SETD1B: variants seen among roughly 807,000 people sequenced by gnomAD.
The protein encoded by SETD1B is SET domain containing 1B, histone lysine methyltransferase, also known as histone-lysine N-methyltransferase SETD1B.
Under a neutral mutation model 148.0 loss-of-function variants are expected in SETD1B, and 7 were observed. That is an observed-to-expected ratio of 0.05 (90% CI 0.03 to 0.09). The LOEUF is 0.09. SETD1B is among the 10% of genes least tolerant of loss of function. The pLI, the probability that SETD1B is intolerant of heterozygous loss-of-function variation, is 1.00. For missense variants in SETD1B, 2,155 were observed against 2,729.9 expected (o/e 0.79, Z 4.69); for synonymous variants, 1,361 against 1,186.5 (o/e 1.15, Z -3.02).
Position 121,822,583 on chromosome 12 carries a change from G to A in SETD1B, c.4004G>A (p.Ser1335Asn). 1 of 1,548,594 alleles carries A rather than the reference G, an allele frequency of 6.5e-7. No individual in the cohort carries two copies. Among genetic ancestry groups the A allele is most frequent in the Non-Finnish European group, 8.7e-7 (1 of 1,145,550 alleles). ...LPPPRPPRPP[S>N]PPPEPETTDA... The stretch of plus-strand genomic sequence containing the variant: ...CCCCCACGACCACCCCGGCCACCCA[G>A]CCCACCGCCGGAGCCTGAGACCACA... The change falls in exon 12 of 17, where the codon AGC (serine) becomes AAC (asparagine). Residue 1335 changes from serine to asparagine, a missense_variant. Transcript: ENST00000604567.
rs1344419056 is a variant in SETD1B at position 121,831,226 on chromosome 12, G to A, written c.*987G>A. 2 of 151,838 alleles carry A rather than the reference G, an allele frequency of 1.3e-5. No individual in the cohort carries two copies. The highest frequency in any genetic ancestry group is 4.8e-5 in the African/African-American group (2 of 41,296). 9.4% of individuals were successfully genotyped at this position (151,838 alleles called of 1,614,324 possible). On this transcript the variant is annotated 3_prime_UTR_variant, in exon 17 of 17. Transcript: ENST00000604567. Reference sequence around the variant, plus strand: ...AGACCGTCTGCGTGTGGCATTTTTTGGCTTATAAGCTTCACCCACTCACCC... The same window carrying A: ...AGACCGTCTGCGTGTGGCATTTTTTAGCTTATAAGCTTCACCCACTCACCC...
chr12:121,803,945 G>C (rs1875550773), upstream of SETD1B: 1 of 159,110 alleles, frequency 6.3e-6, no homozygotes, highest in Non-Finnish European at 1.4e-5. The surrounding 1 kb of genome is among the most constrained non-coding windows in gnomAD (Gnocchi z 4.7). Flanking sequence ...GAGAGGGGAG[G>C]AGGAAGAGGA....
At chr12:121,807,464 AAAG>A (rs1875802255) in intron 4 of SETD1B, among the ~76,000 whole-genome samples, 1 of 151,886 alleles carries the variant, frequency 6.6e-6, no homozygotes, top group African/African-American at 2.4e-5. Context: ...AAAAAAAAGA[AAAG>A]AAAAGAAAAG....
chr12:121,801,538 G>C (rs1875363332), upstream of SETD1B: 1 of 152,648 alleles, frequency 6.6e-6, no homozygotes, highest in Non-Finnish European at 1.5e-5. Context: ...TTTCCTCGAA[G>C]GGGCAAAAGG....
At chr12:121,824,707 T>G (rs541066923) in intron 12 of SETD1B, among the ~76,000 whole-genome samples, 1 of 151,634 alleles carries the variant, frequency 6.6e-6, no homozygotes, top group South Asian at 2.1e-4. Flanking sequence ...CAGAGAGGCA[T>G]CACTGTCACC....
Position 121,814,760 on chromosome 12 carries a change from T to A in SETD1B, c.2545T>A (p.Tyr849Asn). The change falls in exon 7 of 17, where the codon TAC (tyrosine) becomes AAC (asparagine). Residue 849 changes from tyrosine to asparagine, a missense_variant. By Grantham distance (143) the Tyr-to-Asn change is moderately radical. Transcript: ENST00000604567. The stretch of plus-strand genomic sequence containing the variant: ...TGACCCGTCAGTGCCTCCACCAGGC[T>A]ACATGCCACGCCAGGAGGACCCACA... ...KFDPSVPPPG[Y>N]MPRQEDPHKA... The A allele has an allele frequency of 6.4e-7, 1 of 1,551,398 alleles. No individual in the cohort carries two copies.
At chr12:121,798,458 C>G in the SETD1B span, among the ~76,000 whole-genome samples, 37 of 152,342 alleles carry the variant, frequency 2.4e-4, no homozygotes, top group African/African-American at 8.9e-4. Flanking sequence ...GCAATAACCA[C>G]GATCACAATG....
rs1224301294 is a variant in SETD1B, at chr12:121,810,695, G to C, written c.1750G>C (p.Glu584Gln). The C allele has an allele frequency of 4.5e-6, 7 of 1,550,904 alleles. No individual in the cohort carries two copies. Among genetic ancestry groups the C allele is most frequent in the South Asian group, 1.2e-5 (1 of 84,034 alleles). The change falls in exon 6 of 17, where the codon GAG becomes CAG. Residue 584 changes from glutamate (E) to glutamine (Q), a missense_variant. Glu to Gln is a conservative substitution (Grantham distance 29). Around this residue, in one of 11 missense-constraint regions of SETD1B, gnomAD observed 295 missense variants for 303.8 expected, o/e 0.97. Coordinates refer to ENST00000604567, the MANE Select transcript of SETD1B (RefSeq NM_001353345.2). The surrounding 1 kb of genome is among the most constrained non-coding windows in gnomAD (Gnocchi z 7.6). ...ACCCCTCCCAGACTCCGACGAGGAC[G>C]AGGAGCTCGACCTGGGCCTTGGGCC... is the stretch of plus-strand genomic sequence containing the variant. The part of the protein sequence containing the change: ...PTPLPDSDED[E>Q]ELDLGLGPRP...
chr12:121,806,664 A>AGCAGAG (rs1555336220), intron 4 of SETD1B, among the ~76,000 whole-genome samples: 2 of 152,138 alleles, frequency 1.3e-5, no homozygotes, highest in Admixed American at 1.3e-4. Context: ...GCCGGGGAAG[A>AGCAGAG]GCAGAGCCGG....
At chr12:121,793,910 G>T in the SETD1B span, 1 of 327,720 alleles carries the variant, frequency 3.1e-6, no homozygotes, top group Non-Finnish European at 5.5e-6. Flanking sequence ...GCCACCCTCC[G>T]CGCGTCACGT....
chr12:121,817,654 G>C lies in SETD1B; in HGVS notation c.3262G>C (p.Val1088Leu). The change falls in exon 9 of 17, where the codon GTC (valine) becomes CTC (leucine). Residue 1088 changes from valine to leucine, a missense_variant. Val to Leu is a conservative substitution (Grantham distance 32, BLOSUM62 1). Coordinates refer to ENST00000604567, the MANE Select transcript of SETD1B (RefSeq NM_001353345.2). The surrounding 1 kb of genome is among the most constrained non-coding windows in gnomAD (Gnocchi z 8.1). ...EEAEEEEEEE[V>L]PRSQLSSSST... ...GGCGGAGGAGGAGGAGGAGGAGGAA[G>C]TCCCCAGGAGCCAGCTCTCCTCCTC... 1 of 1,550,980 alleles carries C rather than the reference G, an allele frequency of 6.4e-7. No homozygotes were observed. Among genetic ancestry groups the C allele is most frequent in the Non-Finnish European group, 8.7e-7 (1 of 1,146,800 alleles).
Position 121,810,242 on chromosome 12 carries a change from G to A in SETD1B, c.1297G>A (p.Ala433Thr). Residue 433 changes from alanine (A) to threonine (T), a missense_variant, in exon 6 of 17, where the codon GCG becomes ACG. Around this residue, in one of 11 missense-constraint regions of SETD1B, gnomAD observed 376 missense variants for 385.0 expected, o/e 0.98. Coordinates refer to ENST00000604567, the MANE Select transcript of SETD1B (RefSeq NM_001353345.2). The surrounding 1 kb of genome is among the most constrained non-coding windows in gnomAD (Gnocchi z 7.6). ...CAGTGGGGAGTTCCGGAGGGCACCG[G>A]CGCCCCCACCCCTGCCACCTGCTGA... is the stretch of plus-strand genomic sequence containing the variant. ...RDSGEFRRAP[A>T]PPPLPPAEPL... is the part of the protein sequence containing the mutation. 1.9e-6 allele frequency: 3 copies of A among 1,547,114 alleles called. No individual in the cohort carries two copies. Among genetic ancestry groups the A allele is most frequent in the Non-Finnish European group, 2.6e-6 (3 of 1,146,826 alleles).
chr12:121,823,882 TC>T, intron 12 of SETD1B, 133 bp downstream of exon 12: 3 of 1,286,806 alleles, frequency 2.3e-6, no homozygotes, highest in Non-Finnish European at 3.1e-6. Context: ...CACCGTCACT[TC>T]CCAAGCAGGG....
chr12:121,832,541 G>A lies in SETD1B; in HGVS notation c.*2302G>A, dbSNP rs1414731775. On this transcript the variant is annotated 3_prime_UTR_variant, in exon 17 of 17. Coordinates refer to ENST00000604567, the MANE Select transcript of SETD1B (RefSeq NM_001353345.2). ...ACTTGTTTTGAAGAGAAGTGTTTCC[G>A]TTGTGTGTCTTGATGTAAATATTTG... The A allele has an allele frequency of 1.7e-5, 3 of 175,756 alleles. No individual in the cohort carries two copies. Among genetic ancestry groups the A allele is most frequent in the African/African-American group, 4.8e-5 (2 of 41,666 alleles). 10.9% of individuals were successfully genotyped at this position (175,756 alleles called of 1,614,324 possible).
rs1240108662 is a variant in SETD1B at position 121,814,279 on chromosome 12, C to T, written c.2064C>T (p.Pro688=). Residue 688 remains proline (P), a synonymous_variant, in exon 7 of 17, where the codon CCC becomes CCT. Coordinates refer to ENST00000604567, the MANE Select transcript of SETD1B (RefSeq NM_001353345.2). ...CGCTGCCCCCGCCACCTGGCTTCCCCCCGCTGCCCCCCCCACCACCACCAC... is the reference window on the plus strand; with the variant it reads ...CGCTGCCCCCGCCACCTGGCTTCCCTCCGCTGCCCCCCCCACCACCACCAC... ...TLPLPPPPGF[P]PLPPPPPPPP... The T allele has an allele frequency of 4.5e-5, 58 of 1,291,482 alleles. No individual in the cohort carries two copies. The Admixed American group carries it at 1.3e-3, about 28-fold the overall frequency. The allele number at this position is 1,291,482 out of a possible 1,614,324, so 80.0% of individuals were successfully genotyped here. A position where few individuals can be genotyped will look rare whatever the true frequency, so the allele number is the denominator to read the frequency against.
At chr12:121,799,673 G>T (rs1308073958), upstream of SETD1B, 2 of 146,158 alleles carry the variant, frequency 1.4e-5, no homozygotes, top group Non-Finnish European at 3.0e-5. Context: ...AGACGGGGAT[G>T]GATGGCCCCG....
At chr12:121,827,680 G>A in intron 14 of SETD1B, 30 bp downstream of exon 14, 1 of 1,551,554 alleles carries the variant, frequency 6.4e-7, no homozygotes, top group Non-Finnish European at 8.7e-7. Context: ...AGATCGCCGG[G>A]GTGGCGGCAG....
intron 6 of SETD1B, 132 bp from the exon 7 acceptor site, chr12:121,813,974 T>A: frequency 5.9e-6 from 4 of 679,038 alleles, no homozygotes; most frequent in Non-Finnish European, 9.7e-6. Flanking sequence ...CGCTGAGGCT[T>A]GGAGAGGCTG....
intron 11 of SETD1B, among the ~76,000 whole-genome samples, chr12:121,820,785 G>A (rs928231067): frequency 1.2e-4 from 19 of 152,070 alleles, no homozygotes; most frequent in Non-Finnish European, 2.8e-4. Context: ...CACCCACCTC[G>A]GCCTCCCAAA....
Sources: gnomAD v4.1 joint callset for allele counts (sites outside exome capture counted in the v4.1 genomes callset) on GRCh38, gnomAD v4.1.1 for gene constraint, gnomAD v4.1.1 regional missense constraint, Gnocchi (gnomAD v3.1) non-coding constraint, MANE v1.5 for transcripts, NCBI Gene and HGNC (gene_info 2026-07-23, HGNC 2026-07-21) for gene names.